The following GRM8 variants were observed in gnomAD, a reference collection of about 807,000 sequenced individuals.
GRM8 encodes the protein glutamate metabotropic receptor 8, also known as metabotropic glutamate receptor 8.
In GRM8, 47 loss-of-function variants were observed where a neutral mutation model predicts 87.2. That is an observed-to-expected ratio of 0.54 (90% confidence interval 0.43 to 0.69). The LOEUF (loss-of-function observed/expected upper bound fraction) is 0.69. Ranked by LOEUF, GRM8 falls within the 30% of genes least tolerant of loss-of-function variation. The pLI is 0.00. For synonymous variants in GRM8, 396 were observed against 404.5 expected, an observed-to-expected ratio of 0.98 and a Z score of 0.25; for missense variants, 1,019 against 1,139.2, an observed-to-expected ratio of 0.89 and a Z score of 1.52.
intron 3 of GRM8, among the ~76,000 whole-genome samples, chr7:126,931,612 A>C (rs1805778713): frequency 6.6e-6 from 1 of 152,342 alleles, no homozygotes; most frequent in East Asian, 1.9e-4. Flanking sequence ...ATAATTTCAG[A>C]GGGCAGAAGT....
chr7:126,677,796 TACA>T (rs1291399586), intron 7 of GRM8, among the ~76,000 whole-genome samples: 2 of 152,302 alleles, frequency 1.3e-5, no homozygotes, highest in East Asian at 3.9e-4. Context: ...TTCACCACTA[TACA>T]GTTCATCCAT....
rs775283594 is a variant in GRM8, at chr7:126,968,300, T to C, written c.728-63617A>G. On this transcript the variant is annotated intron_variant, in intron 3 of 10. Transcript: ENST00000339582. ...CTATGCCAGTCATTATCTAATCATCTGACTCCATCAAGTCTTAACTGCAAT... is the reference window on the plus strand; with the variant it reads ...CTATGCCAGTCATTATCTAATCATCCGACTCCATCAAGTCTTAACTGCAAT... Among the ~76,000 whole-genome samples, 34 of 152,320 alleles carry C rather than the reference T, an allele frequency of 2.2e-4. No homozygotes were observed. In the Middle Eastern group the frequency reaches 0.01, roughly 46 times the overall value.
intron 3 of GRM8, among the ~76,000 whole-genome samples, chr7:127,046,091 T>C (rs1586842999): frequency 6.6e-6 from 1 of 152,356 alleles, no homozygotes; most frequent in South Asian, 2.1e-4. Context: ...TTCTATTTTT[T>C]CCTAAGTAAC....
chr7:126,919,978 T>C (rs1233243197), intron 3 of GRM8, among the ~76,000 whole-genome samples: 3 of 152,236 alleles, frequency 2.0e-5, no homozygotes, highest in Non-Finnish European at 2.9e-5. Flanking sequence ...TGAATGTCTG[T>C]GTACTCTTAA....
chr7:126,499,425 A>AC (rs1410329839), intron 9 of GRM8, among the ~76,000 whole-genome samples: 1 of 151,792 alleles, frequency 6.6e-6, no homozygotes, highest in Admixed American at 6.6e-5. Flanking sequence ...AAAAAAAAAA[A>AC]ACTAGAATTA....
intron 3 of GRM8, chr7:127,084,485 A>C (rs1435649065): frequency 6.6e-6 from 1 of 152,252 alleles, no homozygotes; most frequent in Non-Finnish European, 1.5e-5. Flanking sequence ...TAAATAACAC[A>C]TAAAACCACA....
chr7:126,846,584 TC>T (rs1796728863), intron 6 of GRM8, among the ~76,000 whole-genome samples: 1 of 152,220 alleles, frequency 6.6e-6, no homozygotes, highest in Non-Finnish European at 1.5e-5. Context: ...GAATAATATG[TC>T]CCATTTGTAC....
At chr7:126,871,078 G>A (rs564535585) in intron 6 of GRM8, among the ~76,000 whole-genome samples, 55 of 152,170 alleles carry the variant, frequency 3.6e-4, no homozygotes, top group Non-Finnish European at 6.8e-4. Context: ...GAAGAAAGAA[G>A]AAATCATAGG....
chr7:126,898,293 T>TA (rs1801736050), intron 6 of GRM8, among the ~76,000 whole-genome samples: 1 of 152,214 alleles, frequency 6.6e-6, no homozygotes. Flanking sequence ...ATTTGACCAC[T>TA]AACATGCCAG....
intron 8 of GRM8, among the ~76,000 whole-genome samples, chr7:126,583,792 C>T (rs1373367537): frequency 6.6e-6 from 1 of 152,164 alleles, no homozygotes; most frequent in Non-Finnish European, 1.5e-5. Flanking sequence ...TCTACTCCTG[C>T]TGACGATTTG....
intron 9 of GRM8, among the ~76,000 whole-genome samples, chr7:126,501,926 C>T (rs1157419188): frequency 6.6e-6 from 1 of 151,930 alleles, no homozygotes; most frequent in Non-Finnish European, 1.5e-5. Context: ...ATGATCAATG[C>T]CTGGTAGATA....
chr7:126,712,399 A>C (rs1811196315), intron 7 of GRM8, among the ~76,000 whole-genome samples: 1 of 152,188 alleles, frequency 6.6e-6, no homozygotes, highest in Admixed American at 6.6e-5. Flanking sequence ...TGTAATAATA[A>C]AAACTTTTGA....
intron 6 of GRM8, among the ~76,000 whole-genome samples, chr7:126,859,670 A>T (rs1392679680): frequency 1.3e-5 from 2 of 152,226 alleles, no homozygotes; most frequent in African/African-American, 4.8e-5. Flanking sequence ...TGAAATGCAT[A>T]TACGTAAAGA....
At chr7:127,145,075 T>C (rs1354264432) in intron 2 of GRM8, among the ~76,000 whole-genome samples, 1 of 152,138 alleles carries the variant, frequency 6.6e-6, no homozygotes, top group Non-Finnish European at 1.5e-5. Context: ...TTAAGTATTG[T>C]GCACACACAA....
At chr7:127,005,416 T>A (rs1814185124) in intron 3 of GRM8, among the ~76,000 whole-genome samples, 1 of 151,718 alleles carries the variant, frequency 6.6e-6, no homozygotes, top group African/African-American at 2.4e-5. Flanking sequence ...ACAATATGTG[T>A]CTTTTTAGGG....
intron 2 of GRM8, among the ~76,000 whole-genome samples, chr7:127,151,209 T>C (rs919338030): frequency 6.6e-6 from 1 of 151,994 alleles, no homozygotes; most frequent in Non-Finnish European, 1.5e-5. Flanking sequence ...GGTATGTTTT[T>C]AGTCCTCACA....
At chr7:126,526,805 T>G (rs1453606148) in intron 9 of GRM8, among the ~76,000 whole-genome samples, 3 of 152,256 alleles carry the variant, frequency 2.0e-5, no homozygotes, top group Admixed American at 6.5e-5. Context: ...TGCCTGCATG[T>G]GCCCTACATG....
intron 3 of GRM8, among the ~76,000 whole-genome samples, chr7:127,099,869 T>C (rs567912228): frequency 6.6e-6 from 1 of 152,120 alleles, no homozygotes. Context: ...AGAGGGTCAT[T>C]GCAAATGTAG....
chr7:126,936,913 A>G (rs1806393772), intron 3 of GRM8, among the ~76,000 whole-genome samples: 1 of 152,238 alleles, frequency 6.6e-6, no homozygotes. Context: ...CTACTTTCAC[A>G]AATCTCTGTT....
Sources: gnomAD v4.1 joint callset for allele counts (sites outside exome capture counted in the v4.1 genomes callset) on GRCh38, gnomAD v4.1.1 for gene constraint, MANE v1.5 for transcripts, NCBI Gene and HGNC (gene_info 2026-07-23, HGNC 2026-07-21) for gene names.